The following PCED1A variants were observed in gnomAD, a reference collection of about 807,000 sequenced individuals.
PCED1A encodes PC-esterase domain containing 1A.
Under a neutral mutation model 41.9 loss-of-function variants are expected in PCED1A, and 20 were observed. That is an observed-to-expected ratio of 0.48 (90% CI 0.34 to 0.69). The LOEUF is 0.69. PCED1A is among the 30% of genes least tolerant of loss of function. The pLI, the probability that PCED1A is intolerant of heterozygous loss-of-function variation, is 0.01. For missense variants in PCED1A, 498 were observed against 602.1 expected, an observed-to-expected ratio of 0.83 and a Z score of 1.81; for synonymous variants, 236 against 241.3, an observed-to-expected ratio of 0.98 and a Z score of 0.20.
At chr20:2,837,814 T>C (rs117131497) in intron 6 of PCED1A, among the ~76,000 whole-genome samples, 2,164 of 152,256 alleles carry the variant, frequency 0.014, 33 homozygotes, top group Non-Finnish European at 0.022. Flanking sequence ...TTCCACACCC[T>C]GCCAGTTGAC....
chr20:2,840,968 G>A (rs564025591), upstream of PCED1A: 29 of 775,328 alleles, frequency 3.7e-5, no homozygotes, highest in South Asian at 4.0e-4. Flanking sequence ...CTGCCACTTA[G>A]CGCACAGCCG....
chr20:2,838,990 G>A lies in PCED1A; in HGVS notation c.297C>T (p.Phe99=). The change falls in exon 4 of 8, where the codon TTC becomes TTT. Residue 99 remains phenylalanine, a synonymous_variant. Transcript: ENST00000360652. The surrounding 1 kb of genome is among the most constrained non-coding windows in gnomAD (Gnocchi z 5.8). ...CAAGGTGGTGGCCAGAGCCCGAGCA[G>A]AACTGGCGGACCTCACGATACTGTG... The part of the protein sequence containing the change: ...NGTQYREVRQ[F]CSGSGHHLVR... 1.9e-6 allele frequency: 3 copies of A among 1,613,986 alleles called. No individual in the cohort carries two copies. The highest frequency in any genetic ancestry group is 1.3e-5 in the African/African-American group (1 of 75,050).
At chr20:2,840,798 G>A (rs1233169818), upstream of PCED1A, 1 of 1,548,366 alleles carries the variant, frequency 6.5e-7, no homozygotes, top group Non-Finnish European at 8.7e-7. Flanking sequence ...CGGCGAACTG[G>A]AACCCACTCG....
At position 2,839,085 on chromosome 20, in the gene PCED1A, A is replaced by ATGGCCCCC; in HGVS notation, c.205-4_205-3insGGGGGCCA. 8.1e-6 allele frequency: 4 copies of ATGGCCCCC among 491,380 alleles called. No homozygotes were observed. The highest frequency in any genetic ancestry group is 1.7e-5 in the South Asian group (1 of 60,266). The allele number at this position is 491,380 out of a possible 1,614,324, so 30.4% of individuals were successfully genotyped here. A position where few individuals can be genotyped will look rare whatever the true frequency, so the allele number is the denominator to read the frequency against. On this transcript the variant is annotated splice_region_variant and splice_polypyrimidine_tract_variant and intron_variant, in intron 3 of 7. Transcript: ENST00000360652. ...TCCTGTTCAAAGCTCAGCTCCCCCT[A>ATGGCCCCC]CCCACCCCCCCCACCCTACTGGTCA...
Position 2,840,375 on chromosome 20 carries a change from C to T in PCED1A, c.-186G>A, listed in dbSNP as rs1178636813. On this transcript the variant is annotated 5_prime_UTR_variant, in exon 1 of 8. Transcript: ENST00000360652. ...GCAGAGACCGTGGGTCCAGGTTAGC[C>T]GTCGGTGCACAGCCCAGCGCCCAGC... is the stretch of plus-strand genomic sequence containing the variant. 3.3e-6 allele frequency: 1 copy of T among 300,666 alleles called. No homozygotes were observed. 18.6% of individuals were successfully genotyped at this position (300,666 alleles called of 1,614,324 possible). A position where few individuals can be genotyped will look rare whatever the true frequency, so the allele number is the denominator to read the frequency against.
chr20:2,837,392 G>A (rs2088852646), intron 6 of PCED1A, among the ~76,000 whole-genome samples: 1 of 152,096 alleles, frequency 6.6e-6, no homozygotes, highest in Non-Finnish European at 1.5e-5. Flanking sequence ...CAATTCTGTT[G>A]ATACTGTGTA....
At position 2,836,034 on chromosome 20, in the gene PCED1A, C is replaced by A; in HGVS notation, c.1117+5G>T. The A allele has an allele frequency of 6.8e-7, 1 of 1,473,782 alleles. No individual in the cohort carries two copies. The highest frequency in any genetic ancestry group is 1.4e-5 in the South Asian group (1 of 70,582). 91.3% of individuals were successfully genotyped at this position (1,473,782 alleles called of 1,614,324 possible). On this transcript the variant is annotated splice_donor_5th_base_variant and intron_variant, in intron 7 of 7. Transcript: ENST00000360652. ...AGAGGGTGGGGGAGCTGCAGAAGCA[C>A]CTACCTAAGTGGGGTGGCATCGAGA...
intron 2 of PCED1A, 128 bp downstream of exon 2, chr20:2,839,661 A>G: frequency 7.3e-7 from 1 of 1,378,448 alleles, no homozygotes; most frequent in Non-Finnish European, 9.9e-7. Flanking sequence ...ACATAAAAAG[A>G]GAAAACCTAC....
chr20:2,835,743 T>C, intron 7 of PCED1A, 34 bp from the exon 8 acceptor site: 1 of 1,521,710 alleles, frequency 6.6e-7, no homozygotes, highest in Non-Finnish European at 8.8e-7. Context: ...AGAGCAGGCT[T>C]CTGGCCAGAG....
Position 2,838,625 on chromosome 20 carries a change from G to T in PCED1A, c.565C>A (p.Arg189Ser). The T allele has an allele frequency of 1.2e-6, 2 of 1,614,174 alleles. No individual in the cohort carries two copies. Among genetic ancestry groups the T allele is most frequent in the Non-Finnish European group, 1.7e-6 (2 of 1,180,034 alleles). Residue 189 changes from arginine to serine, a missense_variant, in exon 5 of 8, where the codon CGT (arginine) becomes AGT (serine). Physicochemically the swap from Arg to Ser is moderately radical, Grantham distance 110 (BLOSUM62 -1). Transcript: ENST00000360652. This position sits in a 1 kb window ranked among gnomAD's most constrained non-coding sequence, Gnocchi z 5.8. Reference protein sequence around the residue: ...VWNMAMPLGERITGGFLLPEL... With the variant: ...VWNMAMPLGESITGGFLLPEL... ...GGCAGGAGGAAACCCCCAGTGATAC[G>T]TTCCCCGAGGGGCATCGCCATGTTC...
chr20:2,836,557 CTTT>C (rs1568615145), intron 6 of PCED1A, among the ~76,000 whole-genome samples: 1 of 152,182 alleles, frequency 6.6e-6, no homozygotes, highest in Non-Finnish European at 1.5e-5. Flanking sequence ...CCAGAGCCTT[CTTT>C]GTTTGCCCAG....
chr20:2,840,435 C>G lies in PCED1A; in HGVS notation c.-246G>C. 1 of 404,412 alleles carries G rather than the reference C, an allele frequency of 2.5e-6. No individual in the cohort carries two copies. The highest frequency in any genetic ancestry group is 4.5e-6 in the Non-Finnish European group (1 of 224,012). The allele number at this position is 404,412 out of a possible 1,614,324, so 25.1% of individuals were successfully genotyped here. On this transcript the variant is annotated 5_prime_UTR_variant, in exon 1 of 8. Coordinates refer to ENST00000360652, the MANE Select transcript of PCED1A (RefSeq NM_022760.6). Reference sequence around the variant, plus strand: ...GCGAGCGTCGCTGTGGCCCCGACGGCGCCTCAGGCCTCGGCGCCTCGGGCT... The same window carrying G: ...GCGAGCGTCGCTGTGGCCCCGACGGGGCCTCAGGCCTCGGCGCCTCGGGCT...
In PCED1A at chr20:2,836,144, G is replaced by C. The variant is rs753409794; in HGVS notation, c.1012C>G (p.Pro338Ala). ...AAAGGGGTATCCTGGGGCAGGGGTGGGAAGAGGGGAGGTGGCGAGGGCTGA... is the reference window on the plus strand; with the variant it reads ...AAAGGGGTATCCTGGGGCAGGGGTGCGAAGAGGGGAGGTGGCGAGGGCTGA... ...LPQPSPPPLF[P>A]PLPQDTPFFP... is the part of the protein sequence containing the mutation. The change falls in exon 7 of 8, where the codon CCA becomes GCA. Residue 338 changes from proline (P) to alanine (A), a missense_variant. Pro to Ala is a conservative substitution (Grantham distance 27). Transcript: ENST00000360652. 1.6e-5 allele frequency: 26 copies of C among 1,601,088 alleles called. 1 individual carries two copies. In the Middle Eastern group the frequency reaches 6.7e-4, roughly 41 times the overall value.
rs759503507 is a variant in PCED1A, at chr20:2,840,039, G to A, written c.-21-106C>T. On this transcript the variant is annotated intron_variant, in intron 1 of 7. Coordinates refer to ENST00000360652, the MANE Select transcript of PCED1A (RefSeq NM_022760.6). Reference sequence around the variant, plus strand: ...TCAATGCTAAAGGGAGGAGGTGACGGCAGCAGAGCCATGGTGGCGCCAGCC... The same window carrying A: ...TCAATGCTAAAGGGAGGAGGTGACGACAGCAGAGCCATGGTGGCGCCAGCC... 1.8e-5 allele frequency: 22 copies of A among 1,201,768 alleles called. No homozygotes were observed. In the Admixed American group the frequency reaches 3.5e-4, roughly 19 times the overall value. 74.4% of individuals were successfully genotyped at this position (1,201,768 alleles called of 1,614,324 possible). A position where few individuals can be genotyped will look rare whatever the true frequency, so the allele number is the denominator to read the frequency against.
Position 2,838,176 on chromosome 20 carries a change from C to T in PCED1A, c.841+56G>A, listed in dbSNP as rs183974968. 7.7e-5 allele frequency: 124 copies of T among 1,610,574 alleles called. 1 individual carries two copies. The Middle Eastern group carries it at 1.6e-3, about 21-fold the overall frequency. On this transcript the variant is annotated intron_variant, in intron 6 of 7. Coordinates refer to ENST00000360652, the MANE Select transcript of PCED1A (RefSeq NM_022760.6). The surrounding 1 kb of genome is among the most constrained non-coding windows in gnomAD (Gnocchi z 5.8). ...GCTGTGTCCCATTCTGTTTCTGAGC[C>T]CTGTCCTCTGAGGGCCCCAGTGCAT...
In PCED1A at chr20:2,839,208, G is replaced by A. The variant is rs569893220; in HGVS notation, c.188C>T (p.Ala63Val). 90 of 1,613,814 alleles carry A rather than the reference G, an allele frequency of 5.6e-5. 1 individual carries two copies. In the South Asian group the frequency reaches 9.3e-4, roughly 17 times the overall value. ...LLQKDSLLTA[A>V]QLKAKGELSF... ...TTCCCTCACCTTGGCTTTCAGCTGG[G>A]CAGCTGTGAGCAGTGAGTCTTTCTG... Residue 63 changes from alanine to valine, a missense_variant, in exon 3 of 8, where the codon GCC becomes GTC. This residue lies in a region of PCED1A where 253 missense variants were observed against 369.7 expected (regional missense o/e 0.68). Coordinates refer to ENST00000360652, the MANE Select transcript of PCED1A (RefSeq NM_022760.6).
chr20:2,838,784 G>A lies in PCED1A; in HGVS notation c.444-38C>T. 1.2e-6 allele frequency: 2 copies of A among 1,614,164 alleles called. No homozygotes were observed. Among genetic ancestry groups the A allele is most frequent in the East Asian group, 2.2e-5 (1 of 44,868 alleles). On this transcript the variant is annotated intron_variant, in intron 4 of 7. Coordinates refer to ENST00000360652, the MANE Select transcript of PCED1A (RefSeq NM_022760.6). This position sits in a 1 kb window ranked among gnomAD's most constrained non-coding sequence, Gnocchi z 5.8. The stretch of plus-strand genomic sequence containing the variant: ...ACACAGGGTGGGCAAGAGCACAAGG[G>A]TGGACTGCCTCAGCCGTACTTCCAG...
At position 2,835,730 on chromosome 20, in the gene PCED1A, A is replaced by G. The variant is rs75789634; in HGVS notation, c.1118-21T>C. ...ACATCCTACAAAAGAACCAGTCATT[A>G]TAAGAGCAGGCTTCTGGCCAGAGTG... On this transcript the variant is annotated intron_variant, in intron 7 of 7. Coordinates refer to ENST00000360652, the MANE Select transcript of PCED1A (RefSeq NM_022760.6). The G allele has an allele frequency of 6.5e-3, 10,021 of 1,530,304 alleles. 242 individuals carry two copies. The highest frequency in any genetic ancestry group is 0.057 in the African/African-American group (4,139 of 72,656). 94.8% of individuals were successfully genotyped at this position (1,530,304 alleles called of 1,614,324 possible). A position where few individuals can be genotyped will look rare whatever the true frequency, so the allele number is the denominator to read the frequency against.
chr20:2,841,073 G>A (rs1053012695), upstream of PCED1A: 11 of 547,842 alleles, frequency 2.0e-5, no homozygotes, highest in Non-Finnish European at 3.2e-5. Context: ...TTAGCCTCCG[G>A]AAAGATGCTC....
Sources: allele counts gnomAD v4.1 joint callset (sites outside exome capture counted in the v4.1 genomes callset), GRCh38; gene constraint gnomAD v4.1.1; regional missense constraint gnomAD v4.1.1; non-coding constraint Gnocchi (gnomAD v3.1); transcripts MANE v1.5; gene names NCBI Gene and HGNC (gene_info 2026-07-23, HGNC 2026-07-21).